Variants in KIF1B observed in about 807,000 individuals in gnomAD.
The protein encoded by KIF1B is kinesin-like protein KIF1B.
Under a neutral mutation model 241.9 loss-of-function variants are expected in KIF1B, and 76 were observed. The observed-to-expected ratio is 0.31, with a 90% confidence interval of 0.26 to 0.38. The LOEUF is 0.38. KIF1B is among the 10% of genes least tolerant of loss of function. KIF1B has a pLI of 1.00. For missense variants in KIF1B, 1,622 were observed against 2,271.4 expected (o/e 0.71, Z 5.81); for synonymous variants, 750 against 796.7 (o/e 0.94, Z 0.99).
intron 4 of KIF1B, among the ~76,000 whole-genome samples, chr1:10,260,180 C>CT (rs1454286870): frequency 6.6e-6 from 1 of 152,106 alleles, no homozygotes; most frequent in East Asian, 1.9e-4. Context: ...AGGCTATAAA[C>CT]TTGTGTAGCA....
At position 10,339,866 on chromosome 1, in the gene KIF1B, G is replaced by T. The variant is rs1174031782; in HGVS notation, c.3513+7G>T. On this transcript the variant is annotated splice_region_variant and intron_variant, in intron 32 of 48. Coordinates refer to ENST00000676179, the MANE Select transcript of KIF1B (RefSeq NM_001365951.3). Reference sequence around the variant, plus strand: ...CTTTTATCATGTGCAGAATGTAAGTGACATGGACCTTTTTGCCAAACATAT... The same window carrying T: ...CTTTTATCATGTGCAGAATGTAAGTTACATGGACCTTTTTGCCAAACATAT... The T allele has an allele frequency of 5.0e-6, 8 of 1,611,510 alleles. No homozygotes were observed. The highest frequency in any genetic ancestry group is 6.8e-6 in the Non-Finnish European group (8 of 1,177,774).
intron 43 of KIF1B, 55 bp from the exon 44 acceptor site, chr1:10,368,412 G>C (rs1047216294): frequency 1.9e-5 from 28 of 1,497,476 alleles, no homozygotes; most frequent in Non-Finnish European, 2.5e-5. Context: ...CTATCCCAAG[G>C]CTCCTGGCTG....
chr1:10,304,432 G>C lies in KIF1B; in HGVS notation c.2115+7186G>C, dbSNP rs1650719460. ...CTCCCACAGTGGTCACCCCACTGCT[G>C]ATGTACAGACTTTCCAGGCAAAGCG... On this transcript the variant is annotated intron_variant, in intron 22 of 48. Transcript: ENST00000676179. The C allele has an allele frequency of 1.9e-6, 3 of 1,613,062 alleles. No individual in the cohort carries two copies. In the African/African-American group the frequency reaches 4.0e-5, roughly 22 times the overall value.
intron 2 of KIF1B, among the ~76,000 whole-genome samples, chr1:10,242,704 A>T (rs1647154443): frequency 1.3e-5 from 2 of 152,030 alleles, no homozygotes; most frequent in Admixed American, 1.3e-4. Context: ...TTTAGTAGTG[A>T]CAGGGTTTCA....
At chr1:10,293,959 A>C (rs946075149) in intron 17 of KIF1B, among the ~76,000 whole-genome samples, 1 of 152,348 alleles carries the variant, frequency 6.6e-6, no homozygotes, top group South Asian at 2.1e-4. Flanking sequence ...TGTGCTTTAA[A>C]GAATGCTACT....
intron 22 of KIF1B, among the ~76,000 whole-genome samples, chr1:10,300,975 G>T (rs1448828249): frequency 2.0e-5 from 3 of 152,024 alleles, no homozygotes; most frequent in African/African-American, 7.2e-5. Flanking sequence ...TAAATTCAGA[G>T]GCCAAATTAT....
intron 1 of KIF1B, among the ~76,000 whole-genome samples, chr1:10,230,477 C>T (rs1211214907): frequency 6.6e-6 from 1 of 150,712 alleles, no homozygotes; most frequent in Admixed American, 6.6e-5. Flanking sequence ...ACTCTGTGAC[C>T]CAGGCTGGAG....
chr1:10,310,648 AT>A (rs1651027388), intron 22 of KIF1B, among the ~76,000 whole-genome samples: 1 of 146,738 alleles, frequency 6.8e-6, no homozygotes, highest in East Asian at 1.9e-4. Flanking sequence ...AAAGATCAGT[AT>A]GTGACTGTGT....
chr1:10,323,870 T>C lies in KIF1B; in HGVS notation c.2359-14T>C, dbSNP rs748506043. Reference sequence around the variant, plus strand: ...CTGAAAACCATTTGTCAATGGTTTATTCTTTCTATTCAGGTGCAGTTTCAG... The same window carrying C: ...CTGAAAACCATTTGTCAATGGTTTACTCTTTCTATTCAGGTGCAGTTTCAG... On this transcript the variant is annotated splice_polypyrimidine_tract_variant and intron_variant, in intron 24 of 48. Transcript: ENST00000676179. The C allele has an allele frequency of 1.2e-6, 2 of 1,611,622 alleles. No homozygotes were observed.
At chr1:10,272,181 G>T in intron 8 of KIF1B, 60 bp from the exon 9 acceptor site, 1 of 1,018,530 alleles carries the variant, frequency 9.8e-7, no homozygotes. Context: ...TTTATGTTCT[G>T]TATGATATAG....
chr1:10,258,437 AG>A, intron 3 of KIF1B, 55 bp from the exon 4 acceptor site: 1 of 1,545,292 alleles, frequency 6.5e-7, no homozygotes, highest in Non-Finnish European at 8.9e-7. Flanking sequence ...CAATCAAGTA[AG>A]TATAGGAAGA....
rs369817908 is a variant in KIF1B, at chr1:10,379,385, C to T, written c.*2798C>T. 18 of 231,360 alleles carry T rather than the reference C, an allele frequency of 7.8e-5. No individual in the cohort carries two copies. The highest frequency in any genetic ancestry group is 2.9e-4 in the African/African-American group (13 of 45,322). 14.3% of individuals were successfully genotyped at this position (231,360 alleles called of 1,614,324 possible). ...GAGGGAGCAGAGTGGTCGTGTCCTGCGTGCTCTTCACCCTCTGGGGCGCCC... is the reference window on the plus strand; with the variant it reads ...GAGGGAGCAGAGTGGTCGTGTCCTGTGTGCTCTTCACCCTCTGGGGCGCCC... On this transcript the variant is annotated 3_prime_UTR_variant, in exon 49 of 49. Coordinates refer to ENST00000676179, the MANE Select transcript of KIF1B (RefSeq NM_001365951.3).
At chr1:10,241,893 A>G (rs1242698431) in intron 2 of KIF1B, among the ~76,000 whole-genome samples, 2 of 152,176 alleles carry the variant, frequency 1.3e-5, no homozygotes, top group Non-Finnish European at 2.9e-5. Flanking sequence ...CAGCTAGCAA[A>G]GTCTGGAATG....
chr1:10,315,901 C>G (rs1020249581), intron 22 of KIF1B, among the ~76,000 whole-genome samples: 3 of 151,068 alleles, frequency 2.0e-5, no homozygotes, highest in Admixed American at 2.0e-4. Context: ...ATTAAAAATA[C>G]AAAATTTAAC....
At chr1:10,375,108 A>C in intron 47 of KIF1B, 62 bp downstream of exon 47, 1 of 1,563,846 alleles carries the variant, frequency 6.4e-7, no homozygotes, top group South Asian at 1.1e-5. Flanking sequence ...TGATTTCTGC[A>C]CTCTCTGTTA....
intron 2 of KIF1B, among the ~76,000 whole-genome samples, chr1:10,255,554 C>T (rs1647724858): frequency 6.6e-6 from 1 of 152,174 alleles, no homozygotes; most frequent in African/African-American, 2.4e-5. Context: ...CACACCACTG[C>T]ACTCCAGCTT....
At chr1:10,367,324 G>T (rs985891037) in intron 43 of KIF1B, among the ~76,000 whole-genome samples, 2 of 151,400 alleles carry the variant, frequency 1.3e-5, no homozygotes, top group Non-Finnish European at 2.9e-5. Flanking sequence ...TTGAACTCCT[G>T]ACCTCAGGTG....
chr1:10,342,776 G>GA (rs1299346175), intron 33 of KIF1B, among the ~76,000 whole-genome samples: 1 of 151,864 alleles, frequency 6.6e-6, no homozygotes, highest in African/African-American at 2.4e-5. Context: ...TCTTTCTCTT[G>GA]AAAAAACAGG....
At chr1:10,232,177 G>T (rs1646992191) in intron 1 of KIF1B, 73 bp from the exon 2 acceptor site, 1 of 636,142 alleles carries the variant, frequency 1.6e-6, no homozygotes, top group African/African-American at 1.8e-5. Flanking sequence ...TAAGATAGTA[G>T]TTCTTATGCT....
Sources: allele counts gnomAD v4.1 joint callset (sites outside exome capture counted in the v4.1 genomes callset), GRCh38; gene constraint gnomAD v4.1.1; transcripts MANE v1.5; gene names NCBI Gene and HGNC (gene_info 2026-07-23, HGNC 2026-07-21).